Variants in NAV1 observed in about 807,000 individuals in gnomAD.
NAV1 encodes pore membrane and/or filament interacting like protein 3.
A neutral mutation model predicts 175.2 loss-of-function variants in NAV1; 18 were observed. That is an observed-to-expected ratio of 0.10 (90% CI 0.07 to 0.15). NAV1 has a LOEUF of 0.15. Ranked by LOEUF, NAV1 falls within the 10% of genes least tolerant of loss-of-function variation. The pLI, the probability that NAV1 is intolerant of heterozygous loss-of-function variation, is 1.00. For synonymous variants in NAV1, 897 were observed against 978.7 expected (o/e 0.92, Z 1.56); for missense variants, 1,731 against 2,436.6 (o/e 0.71, Z 6.10).
intron 1 of NAV1, among the ~76,000 whole-genome samples, chr1:201,690,601 G>T (rs1670878197): frequency 1.5e-5 from 2 of 137,820 alleles, no homozygotes; most frequent in Non-Finnish European, 3.1e-5. Flanking sequence ...TGTTTCCTCT[G>T]TGGCTCGTCT....
chr1:201,706,187 C>A (rs925702628), intron 1 of NAV1, among the ~76,000 whole-genome samples: 5 of 152,248 alleles, frequency 3.3e-5, no homozygotes, highest in South Asian at 2.1e-4. Flanking sequence ...CTGGGCTTCA[C>A]CCTAGGGATC....
intron 3 of NAV1, among the ~76,000 whole-genome samples, chr1:201,753,477 A>G (rs1674259618): frequency 6.6e-6 from 1 of 152,182 alleles, no homozygotes; most frequent in Non-Finnish European, 1.5e-5. Context: ...TTGGTATAAG[A>G]ATGTATTGTG....
At chr1:201,594,072 CTT>C (rs5780076) in intron 2 of NAV1, among the ~76,000 whole-genome samples, 20 of 140,834 alleles carry the variant, frequency 1.4e-4, no homozygotes, top group African/African-American at 1.6e-4. Context: ...GGGAGTGGCA[CTT>C]TTTTTTTTTT....
chr1:201,762,878 C>T (rs991475418), intron 3 of NAV1, among the ~76,000 whole-genome samples: 1 of 152,130 alleles, frequency 6.6e-6, no homozygotes, highest in African/African-American at 2.4e-5. Context: ...ATGGGTGAGA[C>T]AGTGGTGAGG....
chr1:201,615,640 C>A (rs1351595732), intron 2 of NAV1, among the ~76,000 whole-genome samples: 1 of 152,170 alleles, frequency 6.6e-6, no homozygotes, highest in Non-Finnish European at 1.5e-5. Flanking sequence ...TTCATTGCTT[C>A]TTTATAAAAC....
In NAV1 at chr1:201,783,388, C is replaced by T. The variant is rs183519813; in HGVS notation, c.2358-18C>T. 276 of 1,606,928 alleles carry T rather than the reference C, an allele frequency of 1.7e-4. No homozygotes were observed. In the African/African-American group the frequency reaches 2.6e-3, roughly 15 times the overall value. On this transcript the variant is annotated intron_variant, in intron 6 of 29. Transcript: ENST00000367296. ...TGTAATTCTATTATTCTAAATATTT[C>T]GTTTGATCTTCTCTCAGGGCCACAG...
chr1:201,745,194 G>A (rs1441349466), intron 3 of NAV1, among the ~76,000 whole-genome samples: 1 of 152,080 alleles, frequency 6.6e-6, no homozygotes, highest in African/African-American at 2.4e-5. Context: ...TCCCATAAAG[G>A]CTCTGACTCA....
chr1:201,721,986 C>A (rs756247002), intron 3 of NAV1, among the ~76,000 whole-genome samples: 2 of 152,206 alleles, frequency 1.3e-5, no homozygotes, highest in African/African-American at 2.4e-5. Context: ...AAGGCAAATT[C>A]TTCAAACTGA....
At chr1:201,770,599 G>T (rs1675510854) in intron 3 of NAV1, among the ~76,000 whole-genome samples, 1 of 152,186 alleles carries the variant, frequency 6.6e-6, no homozygotes, top group Non-Finnish European at 1.5e-5. Context: ...AGAAAGAGAA[G>T]AGCCATTCCT....
At chr1:201,741,851 TG>T (rs1398881675) in intron 3 of NAV1, among the ~76,000 whole-genome samples, 1 of 152,210 alleles carries the variant, frequency 6.6e-6, no homozygotes, top group Admixed American at 6.5e-5. Flanking sequence ...GAGAGCTTAG[TG>T]CCCTATCCTG....
At chr1:201,563,481 T>A (rs1666264548) in intron 1 of NAV1, among the ~76,000 whole-genome samples, 1 of 151,384 alleles carries the variant, frequency 6.6e-6, no homozygotes, top group African/African-American at 2.4e-5. Flanking sequence ...CTGCTTCAAG[T>A]GCCACAGGTA....
At chr1:201,598,149 G>A (rs1284799757) in intron 2 of NAV1, among the ~76,000 whole-genome samples, 2 of 152,240 alleles carry the variant, frequency 1.3e-5, no homozygotes, top group Admixed American at 6.5e-5. Context: ...CAGTGCTCTG[G>A]CAGCTCAGGG....
At chr1:201,682,225 G>A (rs139274010) in intron 1 of NAV1, among the ~76,000 whole-genome samples, 2,731 of 152,026 alleles carry the variant, frequency 0.018, 46 homozygotes, top group South Asian at 0.059. Flanking sequence ...GGCGGAGGTT[G>A]CAGTGAGCTG....
At chr1:201,675,871 C>T (rs1415722220) in intron 1 of NAV1, among the ~76,000 whole-genome samples, 3 of 152,206 alleles carry the variant, frequency 2.0e-5, no homozygotes, top group African/African-American at 7.2e-5. Context: ...AAAAGAATGG[C>T]AAACTTTTCA....
intron 1 of NAV1, among the ~76,000 whole-genome samples, chr1:201,681,739 G>T (rs773573196): frequency 1.3e-5 from 2 of 152,118 alleles, no homozygotes; most frequent in African/African-American, 4.8e-5. Context: ...TTGGGGGGCC[G>T]AGGGGGGCAG....
intron 2 of NAV1, among the ~76,000 whole-genome samples, chr1:201,636,992 A>G (rs1213720774): frequency 6.6e-6 from 1 of 152,222 alleles, no homozygotes; most frequent in Non-Finnish European, 1.5e-5. Context: ...TATCACGCCA[A>G]TGAATACTCT....
intron 15 of NAV1, among the ~76,000 whole-genome samples, chr1:201,802,305 CAAAAAAA>C (rs34854602): frequency 5.0e-5 from 2 of 40,038 alleles, no homozygotes; most frequent in Non-Finnish European, 8.4e-5. Context: ...AACACCTTCT[CAAAAAAA>C]AAAAAAAAAA....
At chr1:201,564,037 C>T (rs529889739) in intron 1 of NAV1, among the ~76,000 whole-genome samples, 2 of 151,314 alleles carry the variant, frequency 1.3e-5, no homozygotes, top group East Asian at 1.9e-4. Context: ...GTTGAGGCTG[C>T]GGTGAGCCAT....
chr1:201,813,129 C>T lies in NAV1; in HGVS notation c.5222-11C>T. 6.2e-7 allele frequency: 1 copy of T among 1,602,788 alleles called. No individual in the cohort carries two copies. ...TCCCAGCCATCTTCATGGCCCCATC[C>T]TCTTCCCTAGGCCCTTGCTTCTTTC... On this transcript the variant is annotated splice_polypyrimidine_tract_variant and intron_variant, in intron 27 of 29. Transcript: ENST00000367296. This position sits in a 1 kb window ranked among gnomAD's most constrained non-coding sequence, Gnocchi z 4.2.
Sources: allele counts gnomAD v4.1 joint callset (sites outside exome capture counted in the v4.1 genomes callset), GRCh38; gene constraint gnomAD v4.1.1; non-coding constraint Gnocchi (gnomAD v3.1); transcripts MANE v1.5; gene names NCBI Gene and HGNC (gene_info 2026-07-23, HGNC 2026-07-21).